TMEM108: variants seen among roughly 807,000 people sequenced by gnomAD.
TMEM108 encodes the protein cancer/testis antigen 124.
Under a neutral mutation model 35.1 loss-of-function variants are expected in TMEM108, and 12 were observed. That is an observed-to-expected ratio of 0.34 (90% CI 0.22 to 0.55). The LOEUF (loss-of-function observed/expected upper bound fraction) is 0.55, where lower values mean the gene tolerates loss of function less well. Among genes scored for constraint, TMEM108 ranks in the 20% least tolerant of loss-of-function variants. The pLI is 0.89. For missense variants in TMEM108, 680 were observed against 753.3 expected, an observed-to-expected ratio of 0.90 and a Z score of 1.14; for synonymous variants, 287 against 308.6, an observed-to-expected ratio of 0.93 and a Z score of 0.73.
intron 3 of TMEM108, among the ~76,000 whole-genome samples, chr3:133,365,251 A>G (rs1242976031): frequency 6.6e-6 from 1 of 152,342 alleles, no homozygotes; most frequent in African/African-American, 2.4e-5. Context: ...AAAATCTAAA[A>G]GAACCAAAAA....
At chr3:133,337,913 TGC>T (rs1193601116) in intron 3 of TMEM108, among the ~76,000 whole-genome samples, 23 of 152,282 alleles carry the variant, frequency 1.5e-4, no homozygotes, top group African/African-American at 5.5e-4. Context: ...GCAATTGACA[TGC>T]TGAAGAATGT....
chr3:133,390,075 C>T, intron 4 of TMEM108, 105 bp from the exon 5 acceptor site: 1 of 1,406,424 alleles, frequency 7.1e-7, no homozygotes, highest in Non-Finnish European at 9.8e-7. Flanking sequence ...CTTTTCCCAC[C>T]ATACACTTAC....
At chr3:133,045,579 T>C (rs1943330242) in intron 1 of TMEM108, among the ~76,000 whole-genome samples, 1 of 152,168 alleles carries the variant, frequency 6.6e-6, no homozygotes, top group Admixed American at 6.5e-5. Context: ...GCACAGAGAA[T>C]GCTCATGCAA....
intron 2 of TMEM108, among the ~76,000 whole-genome samples, chr3:133,209,683 C>A (rs1945808595): frequency 6.6e-6 from 1 of 152,002 alleles, no homozygotes; most frequent in South Asian, 2.1e-4. Context: ...GGTGTAGTCT[C>A]TCCTCCATTG....
At chr3:133,074,216 C>T (rs1201222995) in intron 2 of TMEM108, 1 of 151,796 alleles carries the variant, frequency 6.6e-6, no homozygotes, top group Non-Finnish European at 1.5e-5. Context: ...TATTAGACTC[C>T]CTCTTGATTA....
intron 3 of TMEM108, among the ~76,000 whole-genome samples, chr3:133,311,133 T>A (rs2071123090): frequency 1.3e-5 from 2 of 152,240 alleles, no homozygotes; most frequent in South Asian, 4.1e-4. Flanking sequence ...TAACCTTATC[T>A]GGCTGCCCTT....
intron 2 of TMEM108, among the ~76,000 whole-genome samples, chr3:133,156,022 C>T (rs1197519934): frequency 3.3e-5 from 5 of 149,454 alleles, no homozygotes; most frequent in African/African-American, 1.2e-4. Flanking sequence ...TTGTATAATA[C>T]GTAAGGTGAG....
At chr3:133,240,209 A>T (rs1946294029) in intron 3 of TMEM108, among the ~76,000 whole-genome samples, 1 of 152,196 alleles carries the variant, frequency 6.6e-6, no homozygotes, top group Non-Finnish European at 1.5e-5. Context: ...TAGGGAGAAT[A>T]GATCTCTTTA....
At chr3:133,376,551 A>G (rs1038511850) in intron 3 of TMEM108, among the ~76,000 whole-genome samples, 5 of 152,184 alleles carry the variant, frequency 3.3e-5, no homozygotes, top group Non-Finnish European at 5.9e-5. Context: ...ACCTGGCGTC[A>G]GTCAGGAAGT....
intron 2 of TMEM108, among the ~76,000 whole-genome samples, chr3:133,133,722 G>T (rs1488419424): frequency 7.3e-6 from 1 of 137,590 alleles, no homozygotes; most frequent in African/African-American, 2.8e-5. Context: ...ACGGAGTCTC[G>T]CTGTATCACC....
At chr3:133,097,474 C>T (rs1036046664) in intron 2 of TMEM108, among the ~76,000 whole-genome samples, 1 of 152,150 alleles carries the variant, frequency 6.6e-6, no homozygotes, top group Non-Finnish European at 1.5e-5. Context: ...GTTTCCCAGC[C>T]TATAAGTTGA....
At position 133,173,656 on chromosome 3, in the gene TMEM108, A is replaced by C. The variant is rs1945163881; in HGVS notation, c.-46-55610A>C. ...GCACACATATGCAAAATGGTCTCCA[A>C]AGTTAATGACCATATAGCTTTAGAA... On this transcript the variant is annotated intron_variant, in intron 2 of 5. Coordinates refer to ENST00000321871, the MANE Select transcript of TMEM108 (RefSeq NM_023943.4). Among the ~76,000 whole-genome samples the C allele has an allele frequency of 7.9e-5, 12 of 152,232 alleles. No homozygotes were observed. The South Asian group carries it at 2.5e-3, about 32-fold the overall frequency.
chr3:133,126,642 A>G lies in TMEM108; in HGVS notation c.-47+80622A>G, dbSNP rs550938498. 2.2e-4 allele frequency among the ~76,000 whole-genome samples: 34 copies of G among 152,292 alleles called. No homozygotes were observed. In the East Asian group the frequency reaches 5.8e-3, roughly 26 times the overall value. ...TAAAAGGAAACATGAAATTAATTTT[A>G]ACAGTATATTTTATGTTGCTTAATA... On this transcript the variant is annotated intron_variant, in intron 2 of 5. Transcript: ENST00000321871.
chr3:133,186,839 A>G (rs1276819405), intron 2 of TMEM108, among the ~76,000 whole-genome samples: 1 of 152,158 alleles, frequency 6.6e-6, no homozygotes, highest in East Asian at 1.9e-4. Context: ...CATGCAAATT[A>G]ATATATATCA....
At chr3:133,203,303 G>T (rs1945699446) in intron 2 of TMEM108, among the ~76,000 whole-genome samples, 1 of 152,096 alleles carries the variant, frequency 6.6e-6, no homozygotes, top group Non-Finnish European at 1.5e-5. Flanking sequence ...TTGCCTGACT[G>T]CCCTGGCCAG....
chr3:133,272,830 G>A (rs1330083952), intron 3 of TMEM108, among the ~76,000 whole-genome samples: 2 of 152,118 alleles, frequency 1.3e-5, no homozygotes, highest in Non-Finnish European at 2.9e-5. Flanking sequence ...GGAAATGTAT[G>A]GGACCATTTT....
At chr3:133,249,403 G>A (rs149604437) in intron 3 of TMEM108, among the ~76,000 whole-genome samples, 104 of 152,306 alleles carry the variant, frequency 6.8e-4, no homozygotes, top group African/African-American at 2.2e-3. Flanking sequence ...GGGGAAAAAC[G>A]AGAGTAGGGA....
At chr3:133,153,509 G>A (rs1213536845) in intron 2 of TMEM108, among the ~76,000 whole-genome samples, 1 of 152,152 alleles carries the variant, frequency 6.6e-6, no homozygotes, top group Non-Finnish European at 1.5e-5. Flanking sequence ...GCATGCCCAG[G>A]TGAGTTTTAG....
intron 2 of TMEM108, among the ~76,000 whole-genome samples, chr3:133,108,806 G>A (rs1944190447): frequency 6.8e-6 from 1 of 146,002 alleles, no homozygotes; most frequent in South Asian, 2.3e-4. Flanking sequence ...ATGGACACAG[G>A]AAGGGGAACA....
Sources: gnomAD v4.1 joint callset for allele counts (sites outside exome capture counted in the v4.1 genomes callset) on GRCh38, gnomAD v4.1.1 for gene constraint, MANE v1.5 for transcripts, NCBI Gene and HGNC (gene_info 2026-07-23, HGNC 2026-07-21) for gene names.